The following FBXL3 variants were observed in gnomAD, a reference collection of about 807,000 sequenced individuals.
FBXL3 encodes F-box and leucine rich repeat protein 3.
In FBXL3, 14 loss-of-function variants were observed where a neutral mutation model predicts 37.9. That is an observed-to-expected ratio of 0.37 (90% confidence interval 0.24 to 0.58). The LOEUF is 0.58. FBXL3 is among the 20% of genes least tolerant of loss of function. The probability of loss-of-function intolerance (pLI) is 0.74; values close to 1 mark genes in which losing one functional copy is unlikely to be tolerated. For missense variants in FBXL3, 327 were observed against 511.1 expected (o/e 0.64, Z 3.47); for synonymous variants, 194 against 180.1 (o/e 1.08, Z -0.62).
chr13:77,023,851 A>C (rs1375731163), intron 1 of FBXL3, among the ~76,000 whole-genome samples: 1 of 152,216 alleles, frequency 6.6e-6, no homozygotes, highest in Non-Finnish European at 1.5e-5. Flanking sequence ...TACCTCGCAA[A>C]ACTTGTGAAA....
At position 77,007,762 on chromosome 13, in the gene FBXL3, G is replaced by T; in HGVS notation, c.670C>A (p.His224Asn). ...TTCAGGGCTAGTTCTCTTAAGCCGT[G>T]ACACTGATCAGCCACACAAAGGATA... ...AGILCVADQC[H>N]GLRELALNYH... Residue 224 changes from histidine (H) to asparagine (N), a missense_variant, in exon 5 of 5, where the codon CAC becomes AAC. Physicochemically the swap from His to Asn is moderately conservative, Grantham distance 68 (BLOSUM62 1). Transcript: ENST00000355619. 1 of 1,602,602 alleles carries T rather than the reference G, an allele frequency of 6.2e-7. No individual in the cohort carries two copies. Among genetic ancestry groups the T allele is most frequent in the South Asian group, 1.1e-5 (1 of 90,370 alleles).
chr13:77,016,702 T>G lies in FBXL3; in HGVS notation c.472-1122A>C, dbSNP rs1289971558. Reference sequence around the variant, plus strand: ...GTGTGAGCCACCATACCCAGCTAACTTTTTTTTTTTGTAGAGATGGGTCTT... The same window carrying G: ...GTGTGAGCCACCATACCCAGCTAACGTTTTTTTTTTGTAGAGATGGGTCTT... On this transcript the variant is annotated intron_variant, in intron 3 of 4. Transcript: ENST00000355619. 8.9e-5 allele frequency: 11 copies of G among 123,936 alleles called. No individual in the cohort carries two copies. The East Asian group carries it at 2.5e-3, about 28-fold the overall frequency. The allele number at this position is 123,936 out of a possible 1,614,324, so 7.7% of individuals were successfully genotyped here.
intron 1 of FBXL3, among the ~76,000 whole-genome samples, chr13:77,024,033 G>A (rs769066600): frequency 2.0e-5 from 3 of 152,202 alleles, no homozygotes; most frequent in Non-Finnish European, 4.4e-5. Context: ...TGATCAGGGA[G>A]AGAACAAGAG....
At chr13:77,007,821 T>C (rs368076432) in intron 4 of FBXL3, 33 bp from the exon 5 acceptor site, 4 of 1,517,922 alleles carry the variant, frequency 2.6e-6, no homozygotes, top group African/African-American at 2.8e-5. Flanking sequence ...TTGCAAGTTT[T>C]TGTAAAAGTT....
intron 4 of FBXL3, chr13:77,010,207 C>T (rs2034524419): frequency 6.6e-6 from 1 of 151,994 alleles, no homozygotes. Flanking sequence ...ATCTATGTAA[C>T]AAACCTGCAT....
intron 4 of FBXL3, among the ~76,000 whole-genome samples, chr13:77,012,320 A>T (rs1360464743): frequency 6.6e-6 from 1 of 152,194 alleles, no homozygotes; most frequent in Non-Finnish European, 1.5e-5. Flanking sequence ...TTTGGAAAAA[A>T]AAAATATGGC....
intron 4 of FBXL3, 41 bp from the exon 5 acceptor site, chr13:77,007,829 G>GTT: frequency 2.0e-6 from 3 of 1,507,304 alleles, no homozygotes; most frequent in Non-Finnish European, 2.7e-6. Context: ...TTTTGTAAAA[G>GTT]TTTATCTGTT....
intron 2 of FBXL3, among the ~76,000 whole-genome samples, chr13:77,019,679 G>A (rs916208346): frequency 1.3e-5 from 2 of 152,020 alleles, no homozygotes; most frequent in African/African-American, 4.8e-5. Context: ...AGCCCTTCAG[G>A]TGATTTTGAT....
chr13:77,017,492 G>A (rs1202210081), intron 3 of FBXL3: 1 of 152,004 alleles, frequency 6.6e-6, no homozygotes, highest in Admixed American at 6.6e-5. Flanking sequence ...AGAATCACCT[G>A]GACTGCTCAC....
intron 1 of FBXL3, among the ~76,000 whole-genome samples, chr13:77,023,003 G>T (rs74096171): frequency 0.071 from 10,821 of 152,198 alleles, 1,315 homozygotes; most frequent in African/African-American, 0.24. Flanking sequence ...TTTTCAAAGG[G>T]GAGATACGAC....
At chr13:77,020,167 T>A (rs1359988734) in intron 2 of FBXL3, among the ~76,000 whole-genome samples, 1 of 152,214 alleles carries the variant, frequency 6.6e-6, no homozygotes, top group African/African-American at 2.4e-5. Flanking sequence ...GATCGCAAGA[T>A]AATATACTAG....
intron 2 of FBXL3, 128 bp downstream of exon 2, chr13:77,021,385 T>C (rs970031064): frequency 1.2e-5 from 8 of 646,376 alleles, no homozygotes; most frequent in Admixed American, 3.0e-5. Flanking sequence ...AGGTATACAA[T>C]AATTCTAAAT....
intron 4 of FBXL3, among the ~76,000 whole-genome samples, chr13:77,008,420 G>C (rs568214446): frequency 6.6e-6 from 1 of 152,012 alleles, no homozygotes; most frequent in East Asian, 1.9e-4. Flanking sequence ...TATGACTTTC[G>C]AAGCTCTAAC....
chr13:77,021,328 T>C (rs570683067), intron 2 of FBXL3, among the ~76,000 whole-genome samples, 185 bp downstream of exon 2: 5 of 152,044 alleles, frequency 3.3e-5, no homozygotes, highest in Non-Finnish European at 2.9e-5. Flanking sequence ...TAATAATTAA[T>C]AGAGTAATTT....
rs2034852989 is a variant in FBXL3 at position 77,026,856 on chromosome 13, C to T, written c.-31G>A. 1 of 151,440 alleles carries T rather than the reference C, an allele frequency of 6.6e-6. No individual in the cohort carries two copies. The highest frequency in any genetic ancestry group is 2.4e-5 in the African/African-American group (1 of 41,378). The allele number at this position is 151,440 out of a possible 1,614,324, so 9.4% of individuals were successfully genotyped here. A position where few individuals can be genotyped will look rare whatever the true frequency, so the allele number is the denominator to read the frequency against. ...TGCCGGGGGCGGCTTCCCCCACACA[C>T]CACCCCGTGCTCCGGGGACGGCGGC... On this transcript the variant is annotated 5_prime_UTR_variant, in exon 1 of 5. The change creates a new upstream start codon in the 5' untranslated region. Transcript: ENST00000355619.
chr13:77,008,236 A>C (rs1040184652), intron 4 of FBXL3, among the ~76,000 whole-genome samples: 5 of 152,358 alleles, frequency 3.3e-5, no homozygotes, highest in Admixed American at 3.3e-4. Context: ...AACCATATAA[A>C]ACTATGAATT....
chr13:77,010,777 G>GT (rs1403016264), intron 4 of FBXL3: 1 of 152,210 alleles, frequency 6.6e-6, no homozygotes, highest in Non-Finnish European at 1.5e-5. Context: ...GAGCCTCCAG[G>GT]TAAGAGCCCA....
intron 1 of FBXL3, among the ~76,000 whole-genome samples, chr13:77,024,681 A>G (rs2034806450): frequency 6.6e-6 from 1 of 152,210 alleles, no homozygotes; most frequent in African/African-American, 2.4e-5. Flanking sequence ...AGAAGTTGAC[A>G]AAATTTTTTT....
chr13:77,011,459 C>T lies in FBXL3; in HGVS notation c.644-3671G>A, dbSNP rs186806183. Among the ~76,000 whole-genome samples the T allele has an allele frequency of 1.8e-3, 275 of 152,018 alleles. 1 individual carries two copies. The Middle Eastern group carries it at 0.024, about 13-fold the overall frequency. On this transcript the variant is annotated intron_variant, in intron 4 of 4. Coordinates refer to ENST00000355619, the MANE Select transcript of FBXL3 (RefSeq NM_012158.4). ...AGTCAAGGTCAGGCACGGTGGCTCT[C>T]GCCTATAATCCCAGCACTTTGGGAA...
Sources: gnomAD v4.1 joint callset for allele counts (sites outside exome capture counted in the v4.1 genomes callset) on GRCh38, gnomAD v4.1.1 for gene constraint, MANE v1.5 for transcripts, NCBI Gene and HGNC (gene_info 2026-07-23, HGNC 2026-07-21) for gene names.